Variants in CELF1 observed in about 807,000 individuals in gnomAD.
CELF1 encodes the protein CUGBP Elav-like family member 1.
In CELF1, 10 loss-of-function variants were observed where a neutral mutation model predicts 61.8. The ratio of observed to expected loss-of-function variants is 0.16; its 90% CI spans 0.10 to 0.27. CELF1 has a LOEUF of 0.27. CELF1 is among the 10% of genes least tolerant of loss of function. The pLI is 1.00. For missense variants in CELF1, 380 were observed against 639.1 expected (o/e 0.59, Z 4.37); for synonymous variants, 236 against 225.1 (o/e 1.05, Z -0.43).
chr11:47,534,034 T>C (rs1412117496), intron 1 of CELF1, among the ~76,000 whole-genome samples: 1 of 143,456 alleles, frequency 7.0e-6, no homozygotes, highest in Non-Finnish European at 1.5e-5. Context: ...TTTTTTTTTT[T>C]TTTTTTTTTT....
At chr11:47,539,834 CTACT>C (rs1216760650) in intron 1 of CELF1, among the ~76,000 whole-genome samples, 1 of 152,206 alleles carries the variant, frequency 6.6e-6, no homozygotes, top group East Asian at 1.9e-4. Flanking sequence ...CAGATGAAAT[CTACT>C]TACTTCTCCC....
intron 1 of CELF1, among the ~76,000 whole-genome samples, chr11:47,526,213 G>C (rs2096235871): frequency 6.6e-6 from 1 of 152,094 alleles, no homozygotes; most frequent in African/African-American, 2.4e-5. Context: ...CCAGGTGTGG[G>C]GGTGGCTGAG....
rs755297404 is a variant in CELF1, at chr11:47,487,150, C to A, written c.342+9G>T. The A allele has an allele frequency of 6.2e-7, 1 of 1,602,928 alleles. No homozygotes were observed. Among genetic ancestry groups the A allele is most frequent in the Non-Finnish European group, 8.5e-7 (1 of 1,173,288 alleles). On this transcript the variant is annotated intron_variant, in intron 5 of 14. Coordinates refer to ENST00000687097, the MANE Select transcript of CELF1 (RefSeq NM_001376376.1). ...CCACATTTCCATTTACTAGTGGGAGCTTTCTTACCCCTGGGAGGACTTTCA... is the reference window on the plus strand; with the variant it reads ...CCACATTTCCATTTACTAGTGGGAGATTTCTTACCCCTGGGAGGACTTTCA...
chr11:47,497,655 C>A (rs188489182), intron 3 of CELF1, among the ~76,000 whole-genome samples: 7 of 152,298 alleles, frequency 4.6e-5, no homozygotes, highest in Admixed American at 3.9e-4. Context: ...CCGACTGACT[C>A]TGAGAATGAC....
At chr11:47,501,215 C>T (rs2093851796) in intron 1 of CELF1, among the ~76,000 whole-genome samples, 1 of 152,198 alleles carries the variant, frequency 6.6e-6, no homozygotes, top group Non-Finnish European at 1.5e-5. Context: ...GCAGAAGTGG[C>T]AGGAGCTCTC....
At chr11:47,516,558 C>T (rs1002724709) in intron 1 of CELF1, among the ~76,000 whole-genome samples, 4 of 151,970 alleles carry the variant, frequency 2.6e-5, no homozygotes, top group Non-Finnish European at 4.4e-5. Flanking sequence ...GCTTGACTGA[C>T]ATTGCAATTA....
At chr11:47,483,607 GCTGA>G (rs1282179107) in intron 7 of CELF1, 75 bp from the exon 8 acceptor site, 31 of 1,087,260 alleles carry the variant, frequency 2.9e-5, no homozygotes, top group Admixed American at 8.5e-5. Flanking sequence ...CCTACTATGT[GCTGA>G]CTATCATGCT....
intron 3 of CELF1, among the ~76,000 whole-genome samples, chr11:47,493,440 G>A (rs563058341): frequency 8.7e-5 from 13 of 150,146 alleles, no homozygotes; most frequent in East Asian, 1.9e-4. Flanking sequence ...CCCGGGAGGC[G>A]GAGACTACAG....
At chr11:47,504,392 G>A (rs528871025) in intron 1 of CELF1, among the ~76,000 whole-genome samples, 93 of 151,362 alleles carry the variant, frequency 6.1e-4, no homozygotes, top group African/African-American at 2.1e-3. Flanking sequence ...GACTAGCCTG[G>A]GCAACATGGC....
upstream of CELF1, among the ~76,000 whole-genome samples, chr11:47,555,379 T>G (rs112375672): frequency 6.6e-6 from 1 of 152,296 alleles, no homozygotes; most frequent in Non-Finnish European, 1.5e-5. Flanking sequence ...TCTAACTCGA[T>G]AAACTTCTTG....
intron 13 of CELF1, among the ~76,000 whole-genome samples, chr11:47,473,454 G>A (rs1181737024): frequency 6.6e-6 from 1 of 152,198 alleles, no homozygotes; most frequent in Non-Finnish European, 1.5e-5. Context: ...TCTCATTGAG[G>A]ATGTGAGAAA....
At chr11:47,497,301 T>G (rs2093301885) in intron 3 of CELF1, among the ~76,000 whole-genome samples, 1 of 152,188 alleles carries the variant, frequency 6.6e-6, no homozygotes, top group African/African-American at 2.4e-5. Flanking sequence ...GAAAAAAGTC[T>G]GGGACACAAC....
intron 9 of CELF1, among the ~76,000 whole-genome samples, chr11:47,480,083 T>C (rs894127375): frequency 2.7e-5 from 4 of 150,530 alleles, no homozygotes; most frequent in Non-Finnish European, 5.9e-5. Context: ...AGCACCCACG[T>C]CTACACTTTT....
At chr11:47,484,327 A>G in intron 7 of CELF1, 62 bp downstream of exon 7, 1 of 1,566,890 alleles carries the variant, frequency 6.4e-7, no homozygotes, top group Non-Finnish European at 8.6e-7. Context: ...CAAAAAAAAA[A>G]AAACCCCAAA....
intron 6 of CELF1, among the ~76,000 whole-genome samples, chr11:47,485,191 C>G (rs1332994274): frequency 1.3e-5 from 2 of 152,128 alleles, no homozygotes; most frequent in Non-Finnish European, 2.9e-5. Flanking sequence ...TGTATTGTTT[C>G]CTCTTTTTGA....
intron 1 of CELF1, among the ~76,000 whole-genome samples, chr11:47,522,114 T>C (rs962464006): frequency 2.0e-5 from 3 of 152,044 alleles, no homozygotes; most frequent in Admixed American, 6.5e-5. Flanking sequence ...GGTTTCTCCA[T>C]GTTGGTCAGG....
At chr11:47,480,636 G>A (rs913371212) in intron 9 of CELF1, among the ~76,000 whole-genome samples, 1 of 152,216 alleles carries the variant, frequency 6.6e-6, no homozygotes, top group Admixed American at 6.5e-5. Flanking sequence ...CAAATGCATA[G>A]CATGTAGACC....
chr11:47,525,618 T>G (rs772087965), intron 1 of CELF1, among the ~76,000 whole-genome samples: 13 of 152,318 alleles, frequency 8.5e-5, no homozygotes, highest in South Asian at 2.1e-4. Context: ...AGCCTGGTTA[T>G]GTATTTATTC....
intron 1 of CELF1, chr11:47,523,812 C>G (rs2096080150): frequency 1.3e-5 from 2 of 152,224 alleles, no homozygotes; most frequent in Non-Finnish European, 2.9e-5. Context: ...AACAAAGCAA[C>G]AAACTTGAAT....
Sources: allele counts gnomAD v4.1 joint callset (sites outside exome capture counted in the v4.1 genomes callset), GRCh38; gene constraint gnomAD v4.1.1; transcripts MANE v1.5; gene names NCBI Gene and HGNC (gene_info 2026-07-23, HGNC 2026-07-21).